PDE1C: variants seen among roughly 807,000 people sequenced by gnomAD.
PDE1C encodes the protein phosphodiesterase 1C.
In PDE1C, 62 loss-of-function variants were observed where a neutral mutation model predicts 93.1. That is an observed-to-expected ratio of 0.67 (90% CI 0.54 to 0.82). The LOEUF (loss-of-function observed/expected upper bound fraction) is 0.82, where lower values mean the gene tolerates loss of function less well. Ranked by LOEUF, PDE1C falls within the 40% of genes least tolerant of loss-of-function variation. PDE1C has a pLI of 0.00. For missense variants in PDE1C, 742 were observed against 884.6 expected (o/e 0.84, Z 2.04); for synonymous variants, 325 against 310.1 (o/e 1.05, Z -0.50).
At chr7:32,157,718 ATG>A (rs984664374) in intron 3 of PDE1C, among the ~76,000 whole-genome samples, 1 of 152,198 alleles carries the variant, frequency 6.6e-6, no homozygotes, top group Admixed American at 6.5e-5. Flanking sequence ...AAAGGTCATG[ATG>A]TCTACAATTT....
intron 1 of PDE1C, among the ~76,000 whole-genome samples, chr7:32,243,615 G>A (rs2128870976): frequency 6.6e-6 from 1 of 152,314 alleles, no homozygotes; most frequent in Middle Eastern, 3.4e-3. Context: ...GTCGGAGGTG[G>A]TGATAGTGGG....
chr7:31,768,742 T>A (rs962525799), intron 17 of PDE1C, among the ~76,000 whole-genome samples: 1 of 152,152 alleles, frequency 6.6e-6, no homozygotes, highest in Non-Finnish European at 1.5e-5. Context: ...CCCTAATTCC[T>A]GTGTCTCATA....
At chr7:32,251,879 C>G (rs905508251) in intron 1 of PDE1C, among the ~76,000 whole-genome samples, 1 of 152,166 alleles carries the variant, frequency 6.6e-6, no homozygotes, top group Admixed American at 6.5e-5. Flanking sequence ...ACCTGCTATT[C>G]CCCTCCTCAC....
the PDE1C span, among the ~76,000 whole-genome samples, chr7:31,733,615 C>T: frequency 6.6e-6 from 1 of 152,206 alleles, no homozygotes; most frequent in Admixed American, 6.5e-5. Flanking sequence ...GCCTGGAATG[C>T]AGTGACACTA....
upstream of PDE1C, chr7:32,071,322 A>T: frequency 1.0e-6 from 1 of 985,488 alleles, no homozygotes. Flanking sequence ...GAGGTCCCCC[A>T]CAGCCTCACT....
chr7:31,673,712 GT>G, the PDE1C span, among the ~76,000 whole-genome samples: 92,024 of 148,822 alleles, frequency 0.62, 28,756 homozygotes, highest in African/African-American at 0.69. Flanking sequence ...GTAGAAACTA[GT>G]TTTTTTTTTT....
the PDE1C span, among the ~76,000 whole-genome samples, chr7:31,662,662 ATG>A: frequency 6.6e-6 from 1 of 152,186 alleles, no homozygotes; most frequent in Non-Finnish European, 1.5e-5. Flanking sequence ...TGTCCTGTAA[ATG>A]TGTAAATAAT....
In PDE1C at chr7:32,374,154, A is replaced by AAG. The variant is rs1426301454; in HGVS notation, c.310+53666_310+53667dup. Reference sequence around the variant, plus strand: ...AAGAAAGAGACGAAAGAATGAAAGAAAGAAAGAGAAAGAAAGAAAGAAAGA... The same window carrying AAG: ...AAGAAAGAGACGAAAGAATGAAAGAAAGAGAAAGAGAAAGAAAGAAAGAAAGA... On this transcript the variant is annotated intron_variant, in intron 1 of 1. Transcript: ENST00000672256. Among the ~76,000 whole-genome samples the AAG allele has an allele frequency of 3.4e-3, 226 of 66,726 alleles. 3 individuals are homozygous for AAG. The highest frequency in any genetic ancestry group is 0.012 in the African/African-American group (213 of 18,432). 43.8% of individuals were successfully genotyped at this position (66,726 alleles called of 152,430 possible).
intron 6 of PDE1C, among the ~76,000 whole-genome samples, chr7:31,872,491 T>A (rs528455656): frequency 6.6e-6 from 1 of 152,278 alleles, no homozygotes; most frequent in East Asian, 1.9e-4. Flanking sequence ...ATATCACATG[T>A]ACCCTATAAA....
intron 2 of PDE1C, among the ~76,000 whole-genome samples, chr7:31,902,703 T>C (rs1194903519): frequency 1.3e-5 from 2 of 151,740 alleles, no homozygotes; most frequent in Admixed American, 6.6e-5. Context: ...AACATTATTG[T>C]AATATCACAC....
chr7:31,824,163 T>C (rs1282743870), intron 13 of PDE1C, among the ~76,000 whole-genome samples: 3 of 152,190 alleles, frequency 2.0e-5, no homozygotes, highest in Non-Finnish European at 4.4e-5. Context: ...AAGCCCACTG[T>C]TCTACATGAA....
intron 17 of PDE1C, among the ~76,000 whole-genome samples, chr7:31,775,311 T>C (rs1482005819): frequency 1.3e-5 from 2 of 152,186 alleles, no homozygotes; most frequent in East Asian, 3.9e-4. Flanking sequence ...ACAGAAAAGC[T>C]GGGATTTAAA....
the PDE1C span, among the ~76,000 whole-genome samples, chr7:31,732,628 TC>T: frequency 6.4e-5 from 8 of 125,762 alleles, no homozygotes; most frequent in East Asian, 2.4e-4. Flanking sequence ...TCTCTCTCTC[TC>T]CTCTCTTTCT....
intron 17 of PDE1C, among the ~76,000 whole-genome samples, chr7:31,767,384 A>T (rs183621465): frequency 1.5e-3 from 230 of 152,128 alleles, no homozygotes; most frequent in Admixed American, 4.3e-3. Context: ...CATGATATTG[A>T]GTGATTCCTC....
chr7:31,792,551 T>C (rs766891575), intron 16 of PDE1C, among the ~76,000 whole-genome samples: 1 of 152,114 alleles, frequency 6.6e-6, no homozygotes, highest in Non-Finnish European at 1.5e-5. Context: ...AATATTTACA[T>C]TCCCTATGAA....
At chr7:31,905,418 C>G (rs1217818263) in intron 2 of PDE1C, among the ~76,000 whole-genome samples, 1 of 152,000 alleles carries the variant, frequency 6.6e-6, no homozygotes, top group Non-Finnish European at 1.5e-5. Context: ...ATGAAAATGT[C>G]TATTTGAAAA....
chr7:32,370,442 C>T (rs1784309804), intron 1 of PDE1C, among the ~76,000 whole-genome samples: 1 of 67,436 alleles, frequency 1.5e-5, no homozygotes, highest in Non-Finnish European at 3.2e-5. Flanking sequence ...GAGTGAGACT[C>T]CTCTCAAAAA....
At chr7:31,720,552 C>A in the PDE1C span, among the ~76,000 whole-genome samples, 3 of 152,210 alleles carry the variant, frequency 2.0e-5, no homozygotes, top group African/African-American at 7.2e-5. Flanking sequence ...TGAATAGGAA[C>A]AATGTCCCTG....
intron 1 of PDE1C, among the ~76,000 whole-genome samples, chr7:32,400,726 C>A (rs57373748): frequency 0.039 from 5,896 of 152,294 alleles, 278 homozygotes; most frequent in African/African-American, 0.12. Flanking sequence ...GACTTTGAAA[C>A]TACTCAAGCC....
Sources: allele counts gnomAD v4.1 joint callset (sites outside exome capture counted in the v4.1 genomes callset), GRCh38; gene constraint gnomAD v4.1.1; transcripts MANE v1.5; gene names NCBI Gene and HGNC (gene_info 2026-07-23, HGNC 2026-07-21).